The following INSC variants were observed in gnomAD, a reference collection of about 807,000 sequenced individuals.
The protein encoded by INSC is protein inscuteable homolog.
In INSC, 67 loss-of-function variants were observed where a neutral mutation model predicts 58.6. The observed-to-expected ratio is 1.14, with a 90% CI of 0.94 to 1.40. INSC has a LOEUF of 1.40. INSC is among the 40% of genes most tolerant of loss of function. The probability of loss-of-function intolerance (pLI) is 0.00; values close to 1 mark genes in which losing one functional copy is unlikely to be tolerated. For missense variants in INSC, 714 were observed against 692.0 expected (o/e 1.03, Z -0.36); for synonymous variants, 262 against 276.1 (o/e 0.95, Z 0.51).
the INSC span, among the ~76,000 whole-genome samples, chr11:15,258,117 CG>C: frequency 6.6e-6 from 1 of 152,042 alleles, no homozygotes; most frequent in African/African-American, 2.4e-5. Flanking sequence ...AGTAGACATA[CG>C]GGTGTTTGTT....
At position 15,146,008 on chromosome 11, in the gene INSC, A is replaced by G. The variant is rs200827603; in HGVS notation, c.-45-3122A>G. Among the ~76,000 whole-genome samples, 9 of 152,304 alleles carry G rather than the reference A, an allele frequency of 5.9e-5. No individual in the cohort carries two copies. In the East Asian group the frequency reaches 1.2e-3, roughly 20 times the overall value. On this transcript the variant is annotated intron_variant, in intron 1 of 12. Transcript: ENST00000379556. ...CCTGGATTCTAGTCCTCTGCCACCT[A>G]CTAACCAGTGCTTCCCACTGAATTT...
chr11:15,230,019 T>C (rs1564917969), intron 9 of INSC, among the ~76,000 whole-genome samples: 1 of 50,814 alleles, frequency 2.0e-5, no homozygotes, highest in East Asian at 3.5e-4. Context: ...ATATAATATA[T>C]ATATATATAT....
At chr11:15,148,763 A>G (rs1208102449) in intron 1 of INSC, among the ~76,000 whole-genome samples, 1 of 151,864 alleles carries the variant, frequency 6.6e-6, no homozygotes, top group Non-Finnish European at 1.5e-5. Flanking sequence ...CAGGATGCCC[A>G]GTTAAATGTG....
chr11:15,155,330 T>A (rs1461493232), intron 2 of INSC, among the ~76,000 whole-genome samples: 1 of 152,236 alleles, frequency 6.6e-6, no homozygotes, highest in African/African-American at 2.4e-5. Flanking sequence ...CTGGAAAACC[T>A]ACTGAGATAT....
intron 7 of INSC, among the ~76,000 whole-genome samples, chr11:15,204,079 G>C (rs1037879876): frequency 6.6e-6 from 1 of 152,194 alleles, no homozygotes; most frequent in Non-Finnish European, 1.5e-5. Flanking sequence ...GCCGAGCCCG[G>C]TTCTAGCAGG....
intron 7 of INSC, among the ~76,000 whole-genome samples, chr11:15,211,762 G>A (rs1403073127): frequency 2.6e-5 from 4 of 151,540 alleles, no homozygotes; most frequent in Admixed American, 2.6e-4. Context: ...AGCCAGCACT[G>A]TTTATTGAAA....
intron 1 of INSC, among the ~76,000 whole-genome samples, chr11:15,140,428 G>A (rs1466070055): frequency 6.6e-6 from 1 of 152,180 alleles, no homozygotes; most frequent in African/African-American, 2.4e-5. Flanking sequence ...CCACTCTGAG[G>A]TGCTGGTGGG....
chr11:15,148,277 G>A (rs1848545266), intron 1 of INSC, among the ~76,000 whole-genome samples: 1 of 152,170 alleles, frequency 6.6e-6, no homozygotes, highest in Non-Finnish European at 1.5e-5. Flanking sequence ...TAGATAATAG[G>A]AAGCCTAGAG....
intron 3 of INSC, among the ~76,000 whole-genome samples, chr11:15,176,462 A>G (rs1237069917): frequency 6.6e-6 from 1 of 152,116 alleles, no homozygotes; most frequent in African/African-American, 2.4e-5. Flanking sequence ...CCTTCATCCT[A>G]AAAGGTATAA....
chr11:15,219,251 A>G (rs1281603847), intron 7 of INSC, among the ~76,000 whole-genome samples: 1 of 152,180 alleles, frequency 6.6e-6, no homozygotes, highest in East Asian at 1.9e-4. Flanking sequence ...TTGGAGAAAC[A>G]GGGCCTGTTG....
intron 7 of INSC, among the ~76,000 whole-genome samples, chr11:15,205,955 G>A (rs1054220450): frequency 1.3e-5 from 2 of 152,132 alleles, no homozygotes; most frequent in East Asian, 1.9e-4. Context: ...CACAGCAAAG[G>A]CCTCTCCACA....
chr11:15,221,939 G>A (rs1851458406), intron 8 of INSC, among the ~76,000 whole-genome samples: 1 of 152,156 alleles, frequency 6.6e-6, no homozygotes, highest in African/African-American at 2.4e-5. Context: ...ACAAGCCCCA[G>A]AAAGGAATGG....
rs1589974585 is a variant in INSC, at chr11:15,211,267, G to A, written c.820-10210G>A. Among the ~76,000 whole-genome samples the A allele has an allele frequency of 2.0e-5, 3 of 152,206 alleles. No individual in the cohort carries two copies. The South Asian group carries it at 6.2e-4, about 32-fold the overall frequency. Reference sequence around the variant, plus strand: ...TGAGTGTACCGTCCTCTCTTATTATGGTTTCAATTTTTATTTTCCTGATGA... The same window carrying A: ...TGAGTGTACCGTCCTCTCTTATTATAGTTTCAATTTTTATTTTCCTGATGA... On this transcript the variant is annotated intron_variant, in intron 7 of 12. Coordinates refer to ENST00000379556, the MANE Select transcript of INSC (RefSeq NM_001042536.3).
chr11:15,170,394 T>C (rs1041381328), intron 2 of INSC, among the ~76,000 whole-genome samples: 1 of 152,174 alleles, frequency 6.6e-6, no homozygotes, highest in Non-Finnish European at 1.5e-5. Context: ...CCTTTGTTTA[T>C]GATGACCTTG....
At chr11:15,229,138 C>A (rs1371158893) in intron 9 of INSC, among the ~76,000 whole-genome samples, 1 of 152,090 alleles carries the variant, frequency 6.6e-6, no homozygotes, top group Non-Finnish European at 1.5e-5. Context: ...TGGAAGAGAC[C>A]TGATTATCTT....
At chr11:15,135,325 A>T (rs1432354991) in intron 1 of INSC, among the ~76,000 whole-genome samples, 1 of 152,216 alleles carries the variant, frequency 6.6e-6, no homozygotes, top group Non-Finnish European at 1.5e-5. Flanking sequence ...GTTGTTTTTC[A>T]TGTTTGATCC....
chr11:15,132,289 T>G (rs912617650), intron 1 of INSC, among the ~76,000 whole-genome samples: 1 of 152,178 alleles, frequency 6.6e-6, no homozygotes, highest in African/African-American at 2.4e-5. Context: ...TAATTGTTTC[T>G]TTTTTCTTTA....
chr11:15,127,506 T>C (rs1240307991), intron 1 of INSC, among the ~76,000 whole-genome samples: 3 of 152,166 alleles, frequency 2.0e-5, no homozygotes, highest in African/African-American at 4.8e-5. Flanking sequence ...GGATGAGTAA[T>C]TGGTTCTTAA....
intron 7 of INSC, among the ~76,000 whole-genome samples, chr11:15,211,862 T>C (rs983393478): frequency 6.6e-6 from 1 of 152,138 alleles, no homozygotes; most frequent in Non-Finnish European, 1.5e-5. Flanking sequence ...CTGGATTTTT[T>C]TTTTCTGTTC....
Sources: gnomAD v4.1 joint callset for allele counts (sites outside exome capture counted in the v4.1 genomes callset) on GRCh38, gnomAD v4.1.1 for gene constraint, MANE v1.5 for transcripts, NCBI Gene and HGNC (gene_info 2026-07-23, HGNC 2026-07-21) for gene names.